The following XKR9 variants were observed in gnomAD, a reference collection of about 807,000 sequenced individuals.
XKR9 encodes XK related 9.
In XKR9, 32 loss-of-function variants were observed where a neutral mutation model predicts 32.0. That is an observed-to-expected ratio of 1.00 (90% CI 0.76 to 1.34). XKR9 has a LOEUF of 1.34. Among genes scored for constraint, XKR9 ranks in the 40% most tolerant of loss-of-function variants. The pLI is 0.00. For synonymous variants in XKR9, 168 were observed against 143.4 expected (o/e 1.17, Z -1.22); for missense variants, 546 against 429.7 (o/e 1.27, Z -2.39).
chr8:70,844,895 T>A, the XKR9 span, among the ~76,000 whole-genome samples: 1 of 152,152 alleles, frequency 6.6e-6, no homozygotes, highest in African/African-American at 2.4e-5. Context: ...CCACATCCTA[T>A]CCAGGGGACC....
At chr8:70,883,893 T>G in the XKR9 span, among the ~76,000 whole-genome samples, 109 of 152,236 alleles carry the variant, frequency 7.2e-4, 1 homozygote, top group African/African-American at 2.5e-3. Flanking sequence ...CTCATTTGGG[T>G]AAATATCAAG....
At chr8:70,890,709 AT>A in the XKR9 span, among the ~76,000 whole-genome samples, 1 of 151,834 alleles carries the variant, frequency 6.6e-6, no homozygotes. Flanking sequence ...GTTTGCTAGT[AT>A]TTTGCTGAGG....
chr8:70,738,867 G>T (rs926974748), downstream of XKR9, among the ~76,000 whole-genome samples: 2 of 152,152 alleles, frequency 1.3e-5, no homozygotes, highest in Non-Finnish European at 2.9e-5. Flanking sequence ...TTTTACATTT[G>T]CTGAGGAGAG....
At chr8:70,834,382 A>G in the XKR9 span, among the ~76,000 whole-genome samples, 1 of 152,094 alleles carries the variant, frequency 6.6e-6, no homozygotes. Flanking sequence ...TTATTTTAAT[A>G]TAGACCAGAT....
At chr8:71,046,088 A>T in the XKR9 span, among the ~76,000 whole-genome samples, 1 of 152,222 alleles carries the variant, frequency 6.6e-6, no homozygotes, top group African/African-American at 2.4e-5. Context: ...AAGCTCATGT[A>T]GCTACTGGCA....
the XKR9 span, among the ~76,000 whole-genome samples, chr8:70,811,453 A>T: frequency 3.3e-5 from 5 of 152,210 alleles, no homozygotes; most frequent in Admixed American, 6.5e-5. Context: ...AGCAGAACTG[A>T]AGGAAATAGA....
At chr8:71,044,929 G>C in the XKR9 span, among the ~76,000 whole-genome samples, 1 of 152,272 alleles carries the variant, frequency 6.6e-6, no homozygotes, top group African/African-American at 2.4e-5. Flanking sequence ...AATTCTGTAG[G>C]CTAGAAATAT....
At chr8:70,795,592 C>A in the XKR9 span, among the ~76,000 whole-genome samples, 1 of 152,170 alleles carries the variant, frequency 6.6e-6, no homozygotes, top group Non-Finnish European at 1.5e-5. Flanking sequence ...AATTTATACT[C>A]CCACCAACAG....
chr8:70,893,209 A>T, the XKR9 span, among the ~76,000 whole-genome samples: 2 of 151,918 alleles, frequency 1.3e-5, no homozygotes, highest in Non-Finnish European at 2.9e-5. Context: ...AACGATTCCT[A>T]TCTGTTGAAT....
chr8:70,717,446 T>C (rs1008763468), intron 4 of XKR9, among the ~76,000 whole-genome samples: 1 of 152,218 alleles, frequency 6.6e-6, no homozygotes. Context: ...TCTTGACTTC[T>C]GTGCTTCTGC....
the XKR9 span, among the ~76,000 whole-genome samples, chr8:70,836,220 A>G: frequency 6.6e-6 from 1 of 152,044 alleles, no homozygotes; most frequent in Non-Finnish European, 1.5e-5. Context: ...TTTAGGTACA[A>G]TTTTCACACA....
the XKR9 span, among the ~76,000 whole-genome samples, chr8:71,012,962 CT>C: frequency 6.6e-6 from 1 of 152,204 alleles, no homozygotes. Flanking sequence ...ACTTTTATCC[CT>C]TCATAACACA....
the XKR9 span, among the ~76,000 whole-genome samples, chr8:70,982,786 A>G: frequency 5.9e-5 from 9 of 152,200 alleles, no homozygotes; most frequent in African/African-American, 1.9e-4. Context: ...ACTGCTCTGT[A>G]TATGAGCAGG....
chr8:70,800,633 C>T, the XKR9 span, among the ~76,000 whole-genome samples: 1 of 152,036 alleles, frequency 6.6e-6, no homozygotes, highest in Non-Finnish European at 1.5e-5. Flanking sequence ...TTACAGCCAA[C>T]TGTCACCACG....
chr8:71,049,837 G>A, the XKR9 span, among the ~76,000 whole-genome samples: 21 of 152,154 alleles, frequency 1.4e-4, no homozygotes, highest in Admixed American at 1.2e-3. Context: ...CATCACAGGC[G>A]ATGGTACAAG....
chr8:70,993,639 TTCCTTC>T, the XKR9 span, among the ~76,000 whole-genome samples: 1 of 150,184 alleles, frequency 6.7e-6, no homozygotes, highest in Non-Finnish European at 1.5e-5. Flanking sequence ...CCTTCCTTCC[TTCCTTC>T]CTTCCTTCCT....
the XKR9 span, among the ~76,000 whole-genome samples, chr8:70,960,675 T>A: frequency 6.6e-6 from 1 of 151,944 alleles, no homozygotes; most frequent in Non-Finnish European, 1.5e-5. Flanking sequence ...CCCAGGAGTT[T>A]GAGACTAGCC....
At chr8:70,844,391 A>G in the XKR9 span, among the ~76,000 whole-genome samples, 3 of 152,210 alleles carry the variant, frequency 2.0e-5, no homozygotes, top group Admixed American at 2.0e-4. Context: ...CTAACCCAAG[A>G]GCCTGAGAAC....
At chr8:70,915,056 A>T in the XKR9 span, among the ~76,000 whole-genome samples, 1 of 151,830 alleles carries the variant, frequency 6.6e-6, no homozygotes, top group Non-Finnish European at 1.5e-5. Context: ...AATTAGGTCA[A>T]GGATGGGGGT....
Sources: gnomAD v4.1 joint callset for allele counts (sites outside exome capture counted in the v4.1 genomes callset) on GRCh38, gnomAD v4.1.1 for gene constraint, MANE v1.5 for transcripts, NCBI Gene and HGNC (gene_info 2026-07-23, HGNC 2026-07-21) for gene names.